The following KDM1A variants were observed in gnomAD, a reference collection of about 807,000 sequenced individuals.
KDM1A encodes the protein lysine-specific histone demethylase 1A.
KDM1A carries 49 observed loss-of-function variants against 109.4 expected under a neutral mutation model. That is an observed-to-expected ratio of 0.45 (90% CI 0.36 to 0.57). The LOEUF is 0.57. Ranked by LOEUF, KDM1A falls within the 20% of genes least tolerant of loss-of-function variation. KDM1A has a pLI of 0.00. For synonymous variants in KDM1A, 380 were observed against 415.4 expected (o/e 0.91, Z 1.04); for missense variants, 668 against 1,116.6 (o/e 0.60, Z 5.73).
chr1:23,057,370 T>C lies in KDM1A; in HGVS notation c.991-114T>C, dbSNP rs1321876164. Reference sequence around the variant, plus strand: ...ATAGTACTGTTGATTGCATTCCATGTAAACTCTACATCTTTATTTTTAAAT... The same window carrying C: ...ATAGTACTGTTGATTGCATTCCATGCAAACTCTACATCTTTATTTTTAAAT... On this transcript the variant is annotated intron_variant, in intron 7 of 20. Transcript: ENST00000400181. 1.1e-5 allele frequency: 8 copies of C among 756,426 alleles called. No individual in the cohort carries two copies. The East Asian group carries it at 2.1e-4, about 20-fold the overall frequency. The allele number at this position is 756,426 out of a possible 1,614,324, so 46.9% of individuals were successfully genotyped here.
At chr1:23,044,873 C>T (rs746514093) in intron 3 of KDM1A, among the ~76,000 whole-genome samples, 1 of 152,034 alleles carries the variant, frequency 6.6e-6, no homozygotes, top group Non-Finnish European at 1.5e-5. Flanking sequence ...CAAAAACAAA[C>T]GGGACTGAGA....
At chr1:23,069,384 C>T (rs1186478271) in intron 12 of KDM1A, among the ~76,000 whole-genome samples, 2 of 152,108 alleles carry the variant, frequency 1.3e-5, no homozygotes, top group African/African-American at 4.8e-5. Flanking sequence ...TCCTCTTTGT[C>T]TGGTTCCCTT....
intron 5 of KDM1A, 27 bp from the exon 6 acceptor site, chr1:23,055,042 C>T (rs376984385): frequency 2.4e-5 from 33 of 1,399,044 alleles, no homozygotes; most frequent in Non-Finnish European, 2.7e-5. Context: ...AAAATAAAAC[C>T]GTGTTTTTAA....
intron 11 of KDM1A, 44 bp downstream of exon 11, chr1:23,068,725 T>C (rs1161991112): frequency 7.1e-7 from 1 of 1,407,824 alleles, no homozygotes; most frequent in East Asian, 2.6e-5. Flanking sequence ...GTTCCATGTG[T>C]AAAGATTTGC....
chr1:23,053,934 T>A (rs1642748564), intron 5 of KDM1A, 95 bp downstream of exon 5: 3 of 710,268 alleles, frequency 4.2e-6, no homozygotes, highest in Non-Finnish European at 7.6e-6. Flanking sequence ...ATTAATTTTT[T>A]CATTCATATT....
intron 2 of KDM1A, among the ~76,000 whole-genome samples, chr1:23,032,358 CT>C (rs548990810): frequency 0.012 from 1,694 of 136,922 alleles, 7 homozygotes; most frequent in Admixed American, 0.015. Flanking sequence ...TTTCTGAAAG[CT>C]TTTTTTTTTT....
At chr1:23,048,768 TTAATTCTCCTAATCTTAC>T (rs2124445467) in intron 3 of KDM1A, among the ~76,000 whole-genome samples, 1 of 152,336 alleles carries the variant, frequency 6.6e-6, no homozygotes, top group Non-Finnish European at 1.5e-5. Context: ...CCTTGTTTTT[TTAATTCTCCTAATCTTAC>T]TAATACCTTA....
At chr1:23,075,947 CA>C (rs202041889) in intron 15 of KDM1A, among the ~76,000 whole-genome samples, 7 of 149,570 alleles carry the variant, frequency 4.7e-5, no homozygotes, top group South Asian at 4.2e-4. Context: ...AACTCCATCT[CA>C]AAAAAAAAAT....
At chr1:23,081,362 C>A in intron 18 of KDM1A, 84 bp from the exon 19 acceptor site, 1 of 1,487,416 alleles carries the variant, frequency 6.7e-7, no homozygotes, top group Non-Finnish European at 9.3e-7. Flanking sequence ...TTTCAGAGCA[C>A]CAGGAATAAG....
At position 23,019,761 on chromosome 1, in the gene KDM1A, G is replaced by A. The variant is rs898294176; in HGVS notation, c.165G>A (p.Val55=). ...SGPAEVGPGA[V]GERTPRKKEP... The stretch of plus-strand genomic sequence containing the variant: ...CAGCCGAGGTCGGGCCGGGGGCGGT[G>A]GGGGAGCGCACACCCCGCAAGAAAG... The change falls in exon 1 of 21, where the codon GTG becomes GTA. Residue 55 remains valine (V), a synonymous_variant. Coordinates refer to ENST00000400181, the MANE Select transcript of KDM1A (RefSeq NM_001009999.3). 29 of 1,350,484 alleles carry A rather than the reference G, an allele frequency of 2.1e-5. No homozygotes were observed. Among genetic ancestry groups the A allele is most frequent in the East Asian group, 3.1e-5 (1 of 32,122 alleles). 83.7% of individuals were successfully genotyped at this position (1,350,484 alleles called of 1,614,324 possible). A position where few individuals can be genotyped will look rare whatever the true frequency, so the allele number is the denominator to read the frequency against.
At chr1:23,033,102 G>A (rs536953011) in intron 2 of KDM1A, among the ~76,000 whole-genome samples, 30 of 152,186 alleles carry the variant, frequency 2.0e-4, no homozygotes, top group Non-Finnish European at 3.2e-4. Flanking sequence ...TCACCATGTT[G>A]GCCCACCTTG....
chr1:23,040,042 A>G (rs1642261721), intron 2 of KDM1A, among the ~76,000 whole-genome samples: 2 of 152,244 alleles, frequency 1.3e-5, no homozygotes, highest in Non-Finnish European at 1.5e-5. Context: ...AATTTATTAA[A>G]TTCAATTGAA....
In KDM1A at chr1:23,072,210, A is replaced by C; in HGVS notation, c.1622+13A>C. 6 of 1,595,588 alleles carry C rather than the reference A, an allele frequency of 3.8e-6. No individual in the cohort carries two copies. The highest frequency in any genetic ancestry group is 5.1e-6 in the Non-Finnish European group (6 of 1,165,534). On this transcript the variant is annotated intron_variant, in intron 14 of 20. Transcript: ENST00000400181. ...CGAATCCCCCAAGGTAAGGAAAACA[A>C]ACACAAAAGTTCAGAGGGAGAGCTT... is the stretch of plus-strand genomic sequence containing the variant.
chr1:23,058,496 A>G (rs1642904610), intron 8 of KDM1A, among the ~76,000 whole-genome samples: 1 of 152,152 alleles, frequency 6.6e-6, no homozygotes, highest in African/African-American at 2.4e-5. Flanking sequence ...TAGTAGCTTT[A>G]TGAGCCACAA....
rs756323896 is a variant in KDM1A at position 23,083,146 on chromosome 1, G to C, written c.2446-33G>C. On this transcript the variant is annotated intron_variant, in intron 20 of 20. Transcript: ENST00000400181. ...GTACAAGAATAAAGGTATATGTGCAGCCTGCCAATTTTCTCTTTTTCCCCT... is the reference window on the plus strand; with the variant it reads ...GTACAAGAATAAAGGTATATGTGCACCCTGCCAATTTTCTCTTTTTCCCCT... The C allele has an allele frequency of 3.1e-6, 5 of 1,590,544 alleles. No homozygotes were observed. In the South Asian group the frequency reaches 5.6e-5, roughly 18 times the overall value.
intron 9 of KDM1A, among the ~76,000 whole-genome samples, chr1:23,064,409 C>T (rs1227361733): frequency 6.6e-6 from 1 of 152,232 alleles, no homozygotes; most frequent in Non-Finnish European, 1.5e-5. Context: ...TGGAGATTGA[C>T]TGTGGCCTCC....
At chr1:23,064,397 G>A (rs748039594) in intron 9 of KDM1A, among the ~76,000 whole-genome samples, 21 of 152,186 alleles carry the variant, frequency 1.4e-4, no homozygotes, top group Non-Finnish European at 2.8e-4. Flanking sequence ...GGGATGGGGA[G>A]GTGGAGATTG....
chr1:23,028,064 G>C lies in KDM1A; in HGVS notation c.352-2405G>C, dbSNP rs558992009. 3.3e-5 allele frequency among the ~76,000 whole-genome samples: 5 copies of C among 152,204 alleles called. 1 individual carries two copies. Among genetic ancestry groups the C allele is most frequent in the Admixed American group, 1.3e-4 (2 of 15,292 alleles). The stretch of plus-strand genomic sequence containing the variant: ...CCCTTTCTAGACCACCCTTTTCCAA[G>C]TGTATTCCTTGTTAATTATTTCTTT... On this transcript the variant is annotated intron_variant, in intron 1 of 20. Transcript: ENST00000400181.
chr1:23,053,428 C>T (rs1331741247), intron 4 of KDM1A, among the ~76,000 whole-genome samples: 1 of 152,032 alleles, frequency 6.6e-6, no homozygotes, highest in Non-Finnish European at 1.5e-5. Context: ...CTCTGTTGCC[C>T]AGGCTGTAGT....
Sources: gnomAD v4.1 joint callset for allele counts (sites outside exome capture counted in the v4.1 genomes callset) on GRCh38, gnomAD v4.1.1 for gene constraint, MANE v1.5 for transcripts, NCBI Gene and HGNC (gene_info 2026-07-23, HGNC 2026-07-21) for gene names.